Variants in ALX4 observed in about 807,000 individuals in gnomAD.
ALX4 encodes ALX homeobox 4.
ALX4 carries 22 observed loss-of-function variants against 40.6 expected under a neutral mutation model. The observed-to-expected ratio is 0.54, with a 90% confidence interval of 0.39 to 0.77. The LOEUF is 0.77. ALX4 is among the 30% of genes least tolerant of loss of function. ALX4 has a pLI of 0.00. For missense variants in ALX4, 556 were observed against 564.8 expected (o/e 0.98, Z 0.16); for synonymous variants, 266 against 240.5 (o/e 1.11, Z -0.98).
intron 1 of ALX4, among the ~76,000 whole-genome samples, chr11:44,299,349 C>T (rs575456923): frequency 6.8e-6 from 1 of 147,768 alleles, no homozygotes; most frequent in South Asian, 2.1e-4. Flanking sequence ...GCTTTGGGGG[C>T]CATGGTTTTT....
In ALX4 at chr11:44,299,178, G is replaced by A. The variant is rs187146932; in HGVS notation, c.466+10419C>T. Among the ~76,000 whole-genome samples, 68 of 152,206 alleles carry A rather than the reference G, an allele frequency of 4.5e-4. No individual in the cohort carries two copies. The South Asian group carries it at 7.7e-3, about 17-fold the overall frequency. On this transcript the variant is annotated intron_variant, in intron 1 of 3. Coordinates refer to ENST00000652299, the MANE Select transcript of ALX4 (RefSeq NM_021926.4). ...CAGTCATTCCTCATACCAGCTATGA[G>A]GCCCTATGCCATGCCTGGGACACTG...
At chr11:44,276,457 C>A (rs545273067) in intron 1 of ALX4, among the ~76,000 whole-genome samples, 30 of 152,312 alleles carry the variant, frequency 2.0e-4, no homozygotes, top group African/African-American at 7.0e-4. Context: ...CTGCGTCTGG[C>A]AGATGGACCC....
intron 1 of ALX4, among the ~76,000 whole-genome samples, chr11:44,305,691 C>T (rs1418189415): frequency 6.6e-6 from 1 of 152,202 alleles, no homozygotes; most frequent in African/African-American, 2.4e-5. Flanking sequence ...GAGTCTAATT[C>T]GAAAAATCGG....
At position 44,277,070 on chromosome 11, in the gene ALX4, C is replaced by T. The variant is rs115531798; in HGVS notation, c.467-1412G>A. On this transcript the variant is annotated intron_variant, in intron 1 of 3. Coordinates refer to ENST00000652299, the MANE Select transcript of ALX4 (RefSeq NM_021926.4). ...GTGTGCTCAGGAGAGCTTACCTACC[C>T]GCTATGTGCCTCAGTTTCCCCCTCT... Among the ~76,000 whole-genome samples, 503 of 152,308 alleles carry T rather than the reference C, an allele frequency of 3.3e-3. 2 individuals carry two copies. Among genetic ancestry groups the T allele is most frequent in the African/African-American group, 0.011 (477 of 41,574 alleles).
intron 2 of ALX4, among the ~76,000 whole-genome samples, chr11:44,271,713 C>T (rs536902593): frequency 6.6e-5 from 10 of 152,120 alleles, no homozygotes; most frequent in South Asian, 4.1e-4. Context: ...TGTGTGTGCG[C>T]GCGCATGTGT....
intron 1 of ALX4, among the ~76,000 whole-genome samples, chr11:44,295,001 C>A (rs1430042408): frequency 6.6e-6 from 1 of 152,028 alleles, no homozygotes; most frequent in African/African-American, 2.4e-5. Flanking sequence ...AGGCGCCCAC[C>A]ACCACGCCCA....
intron 1 of ALX4, among the ~76,000 whole-genome samples, chr11:44,277,124 A>T (rs1311323434): frequency 1.3e-5 from 2 of 152,156 alleles, no homozygotes; most frequent in Non-Finnish European, 2.9e-5. Flanking sequence ...TACTTCTAGG[A>T]TCTTCCTCAT....
At chr11:44,308,726 C>T (rs1015729576) in intron 1 of ALX4, among the ~76,000 whole-genome samples, 3 of 152,228 alleles carry the variant, frequency 2.0e-5, no homozygotes, top group Admixed American at 2.0e-4. Context: ...TAGGCCAGCT[C>T]CCCCGGGTTC....
rs147663059 is a variant in ALX4, at chr11:44,284,637, C to T, written c.467-8979G>A. Among the ~76,000 whole-genome samples the T allele has an allele frequency of 5.6e-4, 85 of 152,294 alleles. No individual in the cohort carries two copies. The East Asian group carries it at 0.014, about 25-fold the overall frequency. On this transcript the variant is annotated intron_variant, in intron 1 of 3. Coordinates refer to ENST00000652299, the MANE Select transcript of ALX4 (RefSeq NM_021926.4). The stretch of plus-strand genomic sequence containing the variant: ...TCCCCACCAGACTCACGGACTTACA[C>T]GCCAGCCTTCCATCTAGCTTGAGGT...
chr11:44,291,572 CT>C lies in ALX4; in HGVS notation c.467-15915del, dbSNP rs1375405199. On this transcript the variant is annotated intron_variant, in intron 1 of 3. Transcript: ENST00000652299. Reference sequence around the variant, plus strand: ...TACAGGCACATGCCGCCACACCTGGCTTTTTGTGTTTTAGTAGAGACAGGGT... The same window carrying C: ...TACAGGCACATGCCGCCACACCTGGCTTTTGTGTTTTAGTAGAGACAGGGT... Among the ~76,000 whole-genome samples the C allele has an allele frequency of 7.2e-5, 11 of 152,198 alleles. No homozygotes were observed. In the East Asian group the frequency reaches 2.1e-3, roughly 30 times the overall value.
At chr11:44,286,194 G>C (rs1332672798) in intron 1 of ALX4, among the ~76,000 whole-genome samples, 1 of 152,194 alleles carries the variant, frequency 6.6e-6, no homozygotes, top group Non-Finnish European at 1.5e-5. Flanking sequence ...TTCAGGATGA[G>C]GGGGGTCGAG....
At chr11:44,267,344 CTGGTATAAA>C in intron 3 of ALX4, 141 bp downstream of exon 3, 1 of 1,035,590 alleles carries the variant, frequency 9.7e-7, no homozygotes, top group South Asian at 1.6e-5. Flanking sequence ...CTCCCACACT[CTGGTATAAA>C]CAGGCACACC....
intron 3 of ALX4, 27 bp from the exon 4 acceptor site, chr11:44,265,210 C>T (rs770630271): frequency 2.5e-5 from 39 of 1,573,624 alleles, no homozygotes; most frequent in African/African-American, 1.9e-4. Context: ...GAGATGTCAC[C>T]GGCTGGCGGG....
intron 1 of ALX4, among the ~76,000 whole-genome samples, chr11:44,277,342 A>AT (rs1392287336): frequency 2.0e-5 from 3 of 152,234 alleles, no homozygotes; most frequent in African/African-American, 4.8e-5. Context: ...AGGGCAGCCA[A>AT]CTGGGTGTCT....
At chr11:44,284,112 G>T (rs1956325180) in intron 1 of ALX4, among the ~76,000 whole-genome samples, 1 of 151,810 alleles carries the variant, frequency 6.6e-6, no homozygotes, top group South Asian at 2.1e-4. Flanking sequence ...ATCTCATTTT[G>T]ATCAAAAAGA....
Position 44,310,086 on chromosome 11 carries a change from CG to C in ALX4, c.-25del. ...ATGCCTGGCTTGCGCAGGCGGCGGG[CG>C]GGGACGCGAGCGAGGGCGCGAGGAC... On this transcript the variant is annotated 5_prime_UTR_variant, in exon 1 of 4. Transcript: ENST00000652299. 1 of 1,561,914 alleles carries C rather than the reference CG, an allele frequency of 6.4e-7. No homozygotes were observed. Among genetic ancestry groups the C allele is most frequent in the Non-Finnish European group, 8.7e-7 (1 of 1,151,462 alleles).
chr11:44,301,277 C>T (rs1956432933), intron 1 of ALX4, among the ~76,000 whole-genome samples: 1 of 152,220 alleles, frequency 6.6e-6, no homozygotes, highest in Admixed American at 6.5e-5. Flanking sequence ...GTGTGTGCTG[C>T]AGGGTCAGGG....
intron 1 of ALX4, among the ~76,000 whole-genome samples, chr11:44,291,322 G>A (rs1418370658): frequency 1.3e-5 from 2 of 152,152 alleles, no homozygotes; most frequent in East Asian, 3.9e-4. Context: ...ACGAGGCAGC[G>A]TTATCACTCG....
At position 44,309,934 on chromosome 11, in the gene ALX4, G is replaced by C; in HGVS notation, c.129C>G (p.Phe43Leu). 1.3e-6 allele frequency: 2 copies of C among 1,592,850 alleles called. No homozygotes were observed. The highest frequency in any genetic ancestry group is 1.7e-6 in the Non-Finnish European group (2 of 1,169,444). The change falls in exon 1 of 4, where the codon TTC becomes TTG. Residue 43 changes from phenylalanine to leucine, a missense_variant. Transcript: ENST00000652299. Reference sequence around the variant, plus strand: ...CGGCGGCCGACAGGAAAGTTGTGCCGAACTTGTCGCCTCCGGGAAATGCCC... The same window carrying C: ...CGGCGGCCGACAGGAAAGTTGTGCCCAACTTGTCGCCTCCGGGAAATGCCC... ...PFRAFPGGDKFGTTFLSAAAK... is the reference protein window; with the variant it reads ...PFRAFPGGDKLGTTFLSAAAK...
Sources: allele counts gnomAD v4.1 joint callset (sites outside exome capture counted in the v4.1 genomes callset), GRCh38; gene constraint gnomAD v4.1.1; transcripts MANE v1.5; gene names NCBI Gene and HGNC (gene_info 2026-07-23, HGNC 2026-07-21).